The following CPVL variants were observed in gnomAD, a reference collection of about 807,000 sequenced individuals.
CPVL encodes the protein probable serine carboxypeptidase CPVL.
In CPVL, 51 loss-of-function variants were observed where a neutral mutation model predicts 63.7. That is an observed-to-expected ratio of 0.80 (90% confidence interval 0.64 to 1.01). The LOEUF is 1.01. CPVL is among the 50% of genes least tolerant of loss of function. The pLI, the probability that CPVL is intolerant of heterozygous loss-of-function variation, is 0.00. For missense variants in CPVL, 530 were observed against 573.1 expected, an observed-to-expected ratio of 0.92 and a Z score of 0.77; for synonymous variants, 195 against 206.0, an observed-to-expected ratio of 0.95 and a Z score of 0.46.
At chr7:29,193,065 G>A (rs928271878) in intron 1 of CPVL, 1 of 152,256 alleles carries the variant, frequency 6.6e-6, no homozygotes, top group African/African-American at 2.4e-5. Flanking sequence ...ATAGTGGTAG[G>A]GGCTGGGAAA....
chr7:29,146,404 C>T (rs957514131), intron 1 of CPVL, 25 bp downstream of exon 1: 2 of 921,066 alleles, frequency 2.2e-6, no homozygotes, highest in Non-Finnish European at 3.1e-6. Context: ...GCTGGCACGA[C>T]CCACGCAGGG....
intron 12 of CPVL, among the ~76,000 whole-genome samples, chr7:29,003,780 C>A (rs548202429): frequency 6.6e-6 from 1 of 152,276 alleles, no homozygotes; most frequent in South Asian, 2.1e-4. Context: ...GGGGATGACA[C>A]TGTTCCACTT....
chr7:29,032,280 T>G (rs1788093066), intron 11 of CPVL, among the ~76,000 whole-genome samples: 1 of 151,996 alleles, frequency 6.6e-6, no homozygotes, highest in Non-Finnish European at 1.5e-5. Flanking sequence ...CAAGCAGCAG[T>G]GGGACAGCAG....
intron 12 of CPVL, among the ~76,000 whole-genome samples, chr7:29,017,156 T>C (rs1786494188): frequency 6.6e-6 from 1 of 152,220 alleles, no homozygotes; most frequent in Non-Finnish European, 1.5e-5. Flanking sequence ...AGCCAGACTA[T>C]GCACTCTGCC....
At chr7:29,041,237 G>A (rs1789057557) in intron 11 of CPVL, among the ~76,000 whole-genome samples, 1 of 149,902 alleles carries the variant, frequency 6.7e-6, no homozygotes, top group African/African-American at 2.5e-5. Flanking sequence ...GTTTACACCT[G>A]GCTAATTTTT....
chr7:29,164,544 G>A (rs1029095468), intron 5 of CPVL, among the ~76,000 whole-genome samples: 1 of 151,848 alleles, frequency 6.6e-6, no homozygotes, highest in African/African-American at 2.4e-5. Flanking sequence ...CAGCACTTCG[G>A]GGGGCTGAGG....
At position 29,017,181 on chromosome 7, in the gene CPVL, A is replaced by G. The variant is rs528419833; in HGVS notation, c.1320+13396T>C. On this transcript the variant is annotated intron_variant, in intron 12 of 12. Transcript: ENST00000265394. ...TGCACTCTGCCCTGTGCCCTGCCCC[A>G]TATTCTCTTATCCATGACACTGCCC... is the stretch of plus-strand genomic sequence containing the variant. 2.6e-5 allele frequency among the ~76,000 whole-genome samples: 4 copies of G among 152,216 alleles called. No homozygotes were observed. The East Asian group carries it at 7.7e-4, about 29-fold the overall frequency.
chr7:29,099,324 A>C (rs1786816823), intron 3 of CPVL, among the ~76,000 whole-genome samples: 2 of 152,210 alleles, frequency 1.3e-5, no homozygotes. Context: ...CCTGTAGCCC[A>C]CAACTTCCCT....
At chr7:29,140,715 GC>G (rs1370668428) in intron 1 of CPVL, among the ~76,000 whole-genome samples, 1 of 152,120 alleles carries the variant, frequency 6.6e-6, no homozygotes, top group Non-Finnish European at 1.5e-5. Flanking sequence ...CTTGCTCCAG[GC>G]TACACATTCT....
At chr7:29,012,994 T>C (rs752345928) in intron 12 of CPVL, 21 of 152,248 alleles carry the variant, frequency 1.4e-4, no homozygotes, top group Non-Finnish European at 2.4e-4. Flanking sequence ...TCCAGATTCT[T>C]TGCCATTCTT....
chr7:29,048,346 T>A (rs1237881558), intron 11 of CPVL, among the ~76,000 whole-genome samples: 1 of 151,978 alleles, frequency 6.6e-6, no homozygotes, highest in Non-Finnish European at 1.5e-5. Context: ...AGGACTCACA[T>A]AAAGTAAAGG....
intron 5 of CPVL, among the ~76,000 whole-genome samples, chr7:29,166,220 G>A (rs1250725147): frequency 1.3e-5 from 2 of 152,050 alleles, no homozygotes; most frequent in South Asian, 2.1e-4. Flanking sequence ...TTTTTGTAGA[G>A]GTGGGGTCTC....
At chr7:29,066,209 A>C in intron 9 of CPVL, 88 bp from the exon 10 acceptor site, 2 of 749,942 alleles carry the variant, frequency 2.7e-6, no homozygotes, top group Non-Finnish European at 4.5e-6. Flanking sequence ...TCATTTATTC[A>C]ACAACTTTTT....
At chr7:29,160,470 C>A (rs1011401030) in intron 5 of CPVL, among the ~76,000 whole-genome samples, 2 of 152,184 alleles carry the variant, frequency 1.3e-5, no homozygotes, top group African/African-American at 4.8e-5. Context: ...CCTAGTCAGT[C>A]ATGGCTACCC....
intron 1 of CPVL, among the ~76,000 whole-genome samples, chr7:29,137,130 T>C (rs1410330124): frequency 1.3e-5 from 2 of 152,212 alleles, no homozygotes; most frequent in East Asian, 1.9e-4. Context: ...GTGGCATCAC[T>C]GTCTGGGGTA....
chr7:29,020,981 GC>G (rs1241316268), intron 12 of CPVL, among the ~76,000 whole-genome samples: 5 of 152,260 alleles, frequency 3.3e-5, no homozygotes, highest in African/African-American at 1.2e-4. Flanking sequence ...TTCGAGAACA[GC>G]CTGGCCAACA....
chr7:29,096,514 A>G (rs993980403), intron 3 of CPVL: 26 of 457,000 alleles, frequency 5.7e-5, no homozygotes, highest in Non-Finnish European at 9.9e-5. Context: ...ATGCTGCCAG[A>G]CATCTAGCAT....
At chr7:29,007,143 A>G (rs1357486932) in intron 12 of CPVL, among the ~76,000 whole-genome samples, 2 of 152,186 alleles carry the variant, frequency 1.3e-5, no homozygotes, top group Non-Finnish European at 2.9e-5. Flanking sequence ...ATGATTAAAA[A>G]CCACTCAACA....
At chr7:29,028,914 G>A (rs6959046) in intron 12 of CPVL, among the ~76,000 whole-genome samples, 12,831 of 145,364 alleles carry the variant, frequency 0.088, 1,646 homozygotes, top group African/African-American at 0.29. Flanking sequence ...GCAGTGAGCC[G>A]AGAGATCCTG....
Sources: allele counts gnomAD v4.1 joint callset (sites outside exome capture counted in the v4.1 genomes callset), GRCh38; gene constraint gnomAD v4.1.1; transcripts MANE v1.5; gene names NCBI Gene and HGNC (gene_info 2026-07-23, HGNC 2026-07-21).